The following VRK2 variants were observed in gnomAD, a reference collection of about 807,000 sequenced individuals.
VRK2 encodes VRK serine/threonine kinase 2.
Under a neutral mutation model 57.6 loss-of-function variants are expected in VRK2, and 60 were observed. That is an observed-to-expected ratio of 1.04 (90% CI 0.85 to 1.29). The LOEUF (loss-of-function observed/expected upper bound fraction) is 1.29. Ranked by LOEUF, VRK2 falls within the 50% of genes most tolerant of loss-of-function variation. The pLI, the probability that VRK2 is intolerant of heterozygous loss-of-function variation, is 0.00. For missense variants in VRK2, 705 were observed against 588.1 expected, an observed-to-expected ratio of 1.20 and a Z score of -2.06; for synonymous variants, 231 against 199.2, an observed-to-expected ratio of 1.16 and a Z score of -1.35.
intron 2 of VRK2, among the ~76,000 whole-genome samples, chr2:58,057,484 G>A (rs1426486212): frequency 7.1e-6 from 1 of 140,708 alleles, no homozygotes; most frequent in Admixed American, 7.3e-5. Context: ...TGGACATTGT[G>A]TTAAGACAAA....
intron 2 of VRK2, among the ~76,000 whole-genome samples, chr2:58,073,803 G>T (rs977746262): frequency 1.3e-5 from 2 of 151,972 alleles, no homozygotes; most frequent in African/African-American, 4.8e-5. Flanking sequence ...ACTTGAAGTT[G>T]GATGTTCGAG....
intron 1 of VRK2, among the ~76,000 whole-genome samples, chr2:57,909,066 T>C (rs1376936120): frequency 6.6e-6 from 1 of 152,206 alleles, no homozygotes; most frequent in Non-Finnish European, 1.5e-5. Flanking sequence ...GTGTCTGTTC[T>C]GTAAAAGCCT....
chr2:57,920,718 T>C (rs1206341970), intron 1 of VRK2, among the ~76,000 whole-genome samples: 1 of 152,028 alleles, frequency 6.6e-6, no homozygotes, highest in Non-Finnish European at 1.5e-5. Flanking sequence ...TTTTTAAAAA[T>C]ACACAAAGGA....
At chr2:57,945,159 A>G (rs1572891688) in intron 1 of VRK2, among the ~76,000 whole-genome samples, 1 of 152,212 alleles carries the variant, frequency 6.6e-6, no homozygotes, top group Non-Finnish European at 1.5e-5. Context: ...AGAAATGTCA[A>G]GTAGGTCAAT....
At chr2:58,134,043 G>C (rs902747100) in intron 9 of VRK2, among the ~76,000 whole-genome samples, 1 of 152,048 alleles carries the variant, frequency 6.6e-6, no homozygotes, top group Non-Finnish European at 1.5e-5. Context: ...TGAGACCTTT[G>C]AACTGAAAGA....
chr2:57,966,845 T>C (rs1028051573), intron 1 of VRK2, among the ~76,000 whole-genome samples: 1 of 152,166 alleles, frequency 6.6e-6, no homozygotes, highest in Non-Finnish European at 1.5e-5. Flanking sequence ...TATTGACTAA[T>C]AAAAAGTGAC....
intron 1 of VRK2, among the ~76,000 whole-genome samples, chr2:57,955,672 T>C (rs1244610467): frequency 1.3e-5 from 2 of 152,162 alleles, no homozygotes; most frequent in African/African-American, 2.4e-5. Context: ...GATAGGTTGA[T>C]AGGTGCAGCA....
upstream of VRK2, chr2:58,046,594 ATT>A: frequency 1.0e-6 from 1 of 985,532 alleles, no homozygotes; most frequent in Non-Finnish European, 1.2e-6. Context: ...CACAGCTCCC[ATT>A]CCCCATGTAG....
At chr2:58,089,582 A>G (rs757954079) in intron 6 of VRK2, 49 bp from the exon 7 acceptor site, 4 of 1,177,402 alleles carry the variant, frequency 3.4e-6, no homozygotes, top group Non-Finnish European at 4.8e-6. Context: ...GAAATTGATC[A>G]TGAGTTCTAA....
At chr2:57,911,657 A>G (rs1043094546) in intron 1 of VRK2, among the ~76,000 whole-genome samples, 1 of 152,254 alleles carries the variant, frequency 6.6e-6, no homozygotes, top group Non-Finnish European at 1.5e-5. Context: ...AGGCATTAGC[A>G]TAATTCATGT....
chr2:57,927,090 T>A (rs1670565207), intron 1 of VRK2, among the ~76,000 whole-genome samples: 1 of 151,424 alleles, frequency 6.6e-6, no homozygotes, highest in African/African-American at 2.4e-5. Flanking sequence ...TAACCCATTA[T>A]TTTAAATGGA....
chr2:58,150,562 G>GTT (rs35146685), intron 12 of VRK2, among the ~76,000 whole-genome samples: 1 of 95,570 alleles, frequency 1.0e-5, no homozygotes, highest in Non-Finnish European at 2.2e-5. Context: ...TTTTTTTTTA[G>GTT]TTTTTTTTTT....
chr2:58,026,488 A>T (rs1558547060), intron 2 of VRK2, among the ~76,000 whole-genome samples: 2 of 152,178 alleles, frequency 1.3e-5, no homozygotes, highest in Non-Finnish European at 2.9e-5. Flanking sequence ...TATGAAAAAT[A>T]AGCAGGTTCC....
intron 2 of VRK2, among the ~76,000 whole-genome samples, chr2:58,058,089 A>G (rs933392804): frequency 6.6e-6 from 1 of 152,142 alleles, no homozygotes; most frequent in Non-Finnish European, 1.5e-5. Flanking sequence ...GCCTGCTACC[A>G]CTTGTTTGAC....
intron 1 of VRK2, among the ~76,000 whole-genome samples, chr2:58,021,114 C>T (rs1673741898): frequency 6.6e-6 from 1 of 152,128 alleles, no homozygotes; most frequent in Non-Finnish European, 1.5e-5. Context: ...CTAAACAGCT[C>T]TATTGTGATA....
At chr2:58,086,580 G>A (rs1671651943) in intron 5 of VRK2, among the ~76,000 whole-genome samples, 154 bp downstream of exon 5, 1 of 152,154 alleles carries the variant, frequency 6.6e-6, no homozygotes, top group Admixed American at 6.5e-5. Context: ...GAGACTGCAA[G>A]TGGCTTATCT....
intron 7 of VRK2, among the ~76,000 whole-genome samples, chr2:58,106,664 GATAGTTAT>G (rs1674800896): frequency 6.6e-6 from 1 of 151,946 alleles, no homozygotes; most frequent in Non-Finnish European, 1.5e-5. Flanking sequence ...AATATGAATA[GATAGTTAT>G]AAGATCTAGG....
chr2:58,041,454 C>T (rs1290291604), intron 3 of VRK2, among the ~76,000 whole-genome samples: 2 of 152,030 alleles, frequency 1.3e-5, no homozygotes, highest in African/African-American at 4.8e-5. Context: ...CTTTGAAATT[C>T]CCACACAACT....
chr2:58,121,437 C>T (rs1677495753), intron 7 of VRK2, among the ~76,000 whole-genome samples: 1 of 152,108 alleles, frequency 6.6e-6, no homozygotes, highest in South Asian at 2.1e-4. Flanking sequence ...AGCAAGCAAC[C>T]TGTTCCATAT....
Sources: gnomAD v4.1 joint callset for allele counts (sites outside exome capture counted in the v4.1 genomes callset) on GRCh38, gnomAD v4.1.1 for gene constraint, MANE v1.5 for transcripts, NCBI Gene and HGNC (gene_info 2026-07-23, HGNC 2026-07-21) for gene names.